Variants in PIK3C2G observed in about 807,000 individuals in gnomAD.
PIK3C2G encodes the protein phosphatidylinositol 3-kinase C2 domain-containing subunit gamma.
PIK3C2G carries 168 observed loss-of-function variants against 181.1 expected under a neutral mutation model. That is an observed-to-expected ratio of 0.93 (90% CI 0.82 to 1.05). PIK3C2G has a LOEUF of 1.05. PIK3C2G is among the 50% of genes least tolerant of loss of function. The pLI is 0.00. For missense variants in PIK3C2G, 1,869 were observed against 1,732.8 expected, an observed-to-expected ratio of 1.08 and a Z score of -1.40; for synonymous variants, 573 against 592.2, an observed-to-expected ratio of 0.97 and a Z score of 0.47.
chr12:18,265,824 G>T (rs1454882432), intron 1 of PIK3C2G, among the ~76,000 whole-genome samples: 1 of 151,696 alleles, frequency 6.6e-6, no homozygotes, highest in African/African-American at 2.4e-5. Context: ...GACCAGCCTG[G>T]CCAACATGAT....
intron 16 of PIK3C2G, among the ~76,000 whole-genome samples, chr12:18,400,847 G>A (rs529406900): frequency 5.3e-5 from 8 of 151,762 alleles, no homozygotes; most frequent in East Asian, 1.9e-4. Flanking sequence ...ATGTGTGCTC[G>A]GATGCCTACC....
At chr12:18,646,793 A>G (rs898733533) in intron 32 of PIK3C2G, among the ~76,000 whole-genome samples, 2 of 152,106 alleles carry the variant, frequency 1.3e-5, no homozygotes, top group African/African-American at 4.8e-5. Context: ...CTTTCATGAT[A>G]AATAACTAAT....
intron 30 of PIK3C2G, among the ~76,000 whole-genome samples, chr12:18,600,716 T>C (rs1947663992): frequency 6.6e-6 from 1 of 152,024 alleles, no homozygotes; most frequent in Non-Finnish European, 1.5e-5. Context: ...AAATTGATAA[T>C]TTTCTAGGAA....
At chr12:18,705,288 A>G in the PIK3C2G span, 2 of 1,614,130 alleles carry the variant, frequency 1.2e-6, no homozygotes, top group African/African-American at 2.7e-5. Flanking sequence ...TGATTTTCTA[A>G]AGAGAGCACC....
chr12:18,461,590 G>A (rs1947919673), intron 18 of PIK3C2G, among the ~76,000 whole-genome samples: 1 of 152,160 alleles, frequency 6.6e-6, no homozygotes, highest in African/African-American at 2.4e-5. Flanking sequence ...GCTGTTTCCT[G>A]CATCTCCACC....
chr12:18,329,492 T>C (rs1390830100), intron 8 of PIK3C2G, among the ~76,000 whole-genome samples: 2 of 151,984 alleles, frequency 1.3e-5, no homozygotes, highest in Non-Finnish European at 2.9e-5. Context: ...AGGTGTTGAT[T>C]TTCTTTCTAA....
intron 18 of PIK3C2G, among the ~76,000 whole-genome samples, chr12:18,454,783 T>G (rs1190647042): frequency 1.3e-5 from 2 of 152,186 alleles, no homozygotes; most frequent in East Asian, 3.9e-4. Context: ...TAGAAATTTC[T>G]CTTCTTAATT....
At chr12:18,532,361 A>G (rs1436692517) in intron 24 of PIK3C2G, among the ~76,000 whole-genome samples, 1 of 152,144 alleles carries the variant, frequency 6.6e-6, no homozygotes, top group Non-Finnish European at 1.5e-5. Context: ...TATTTTTCAC[A>G]AGACAGACAT....
chr12:18,255,272 T>C lies in PIK3C2G; in HGVS notation c.-79+7190T>C, dbSNP rs555570660. Among the ~76,000 whole-genome samples the C allele has an allele frequency of 2.8e-4, 36 of 126,806 alleles. No individual in the cohort carries two copies. In the East Asian group the frequency reaches 4.2e-3, roughly 15 times the overall value. The allele number at this position is 126,806 out of a possible 152,430, so 83.2% of individuals were successfully genotyped here. A position where few individuals can be genotyped will look rare whatever the true frequency, so the allele number is the denominator to read the frequency against. Reference sequence around the variant, plus strand: ...ATAAATAAACAAACAAACAAACAAATAAATGAAAGAAAAAAAGAAATAGTT... The same window carrying C: ...ATAAATAAACAAACAAACAAACAAACAAATGAAAGAAAAAAAGAAATAGTT... On this transcript the variant is annotated intron_variant, in intron 1 of 11. Transcript: ENST00000535651.
At chr12:18,558,945 C>T (rs772270224) in intron 26 of PIK3C2G, among the ~76,000 whole-genome samples, 3 of 152,116 alleles carry the variant, frequency 2.0e-5, no homozygotes, top group Non-Finnish European at 4.4e-5. Context: ...CTGTTCATTG[C>T]TAAATCCCAT....
At chr12:18,625,157 A>T (rs1184109115) in intron 31 of PIK3C2G, among the ~76,000 whole-genome samples, 1 of 151,642 alleles carries the variant, frequency 6.6e-6, no homozygotes, top group Non-Finnish European at 1.5e-5. Flanking sequence ...ATTGGCATTT[A>T]TTGTTACAAA....
intron 13 of PIK3C2G, among the ~76,000 whole-genome samples, chr12:18,374,215 A>T (rs1388272089): frequency 6.6e-6 from 1 of 152,184 alleles, no homozygotes; most frequent in Non-Finnish European, 1.5e-5. Flanking sequence ...CAGTATTTTC[A>T]AAGCTCCCAA....
intron 12 of PIK3C2G, 25 bp downstream of exon 12, chr12:18,362,911 G>T (rs750541157): frequency 2.5e-5 from 36 of 1,441,526 alleles, no homozygotes; most frequent in Non-Finnish European, 2.2e-5. Flanking sequence ...TACTGTATCT[G>T]GATCATTTAT....
chr12:18,629,058 C>T (rs1949229791), intron 31 of PIK3C2G, among the ~76,000 whole-genome samples: 1 of 152,162 alleles, frequency 6.6e-6, no homozygotes, highest in East Asian at 1.9e-4. Flanking sequence ...TAATAGCAAA[C>T]TTGAGTGAAA....
intron 11 of PIK3C2G, among the ~76,000 whole-genome samples, chr12:18,360,652 G>A (rs1941155848): frequency 6.6e-6 from 1 of 152,110 alleles, no homozygotes; most frequent in Admixed American, 6.6e-5. Context: ...ATTCTTTAGT[G>A]ACAGGTTTTT....
Position 18,391,261 on chromosome 12 carries a change from C to T in PIK3C2G, c.2126+9C>T, listed in dbSNP as rs2138051122. ...AAACAGACTCCCCTACTGTAAGTGA[C>T]CTAGGTCTTGTGAATGAATTTTTGC... On this transcript the variant is annotated intron_variant, in intron 15 of 32. Transcript: ENST00000538779. 1.9e-6 allele frequency: 3 copies of T among 1,549,050 alleles called. No individual in the cohort carries two copies. Among genetic ancestry groups the T allele is most frequent in the Non-Finnish European group, 2.6e-6 (3 of 1,151,564 alleles).
chr12:18,701,731 A>T, the PIK3C2G span: 1 of 1,612,102 alleles, frequency 6.2e-7, no homozygotes, highest in Non-Finnish European at 8.5e-7. Flanking sequence ...GTTTCCTTTA[A>T]GGTTCCTATT....
intron 18 of PIK3C2G, among the ~76,000 whole-genome samples, chr12:18,448,856 C>G (rs1184127763): frequency 6.6e-6 from 1 of 151,352 alleles, no homozygotes; most frequent in African/African-American, 2.4e-5. Context: ...TATATCTCCA[C>G]CACAATTAAT....
chr12:18,699,004 G>T, the PIK3C2G span, among the ~76,000 whole-genome samples: 1 of 152,148 alleles, frequency 6.6e-6, no homozygotes, highest in Non-Finnish European at 1.5e-5. Context: ...TCCCTTTTAA[G>T]TTTGGGACAT....
Sources: gnomAD v4.1 joint callset for allele counts (sites outside exome capture counted in the v4.1 genomes callset) on GRCh38, gnomAD v4.1.1 for gene constraint, MANE v1.5 for transcripts, NCBI Gene and HGNC (gene_info 2026-07-23, HGNC 2026-07-21) for gene names.